The following MAML3 variants were observed in gnomAD, a reference collection of about 807,000 sequenced individuals.
MAML3 encodes the protein mastermind like transcriptional coactivator 3.
Under a neutral mutation model 101.9 loss-of-function variants are expected in MAML3, and 27 were observed. That is an observed-to-expected ratio of 0.27 (90% CI 0.20 to 0.37). The LOEUF is 0.37. Among genes scored for constraint, MAML3 ranks in the 10% least tolerant of loss-of-function variants. MAML3 has a pLI of 1.00. For missense variants in MAML3, 1,316 were observed against 1,444.9 expected (o/e 0.91, Z 1.45); for synonymous variants, 501 against 555.9 (o/e 0.90, Z 1.39).
At chr4:139,914,389 G>GTTA (rs1489202120) in intron 1 of MAML3, among the ~76,000 whole-genome samples, 1 of 152,028 alleles carries the variant, frequency 6.6e-6, no homozygotes, top group Non-Finnish European at 1.5e-5. Context: ...GAGGGAGACA[G>GTTA]TTATTATTAT....
chr4:139,778,343 T>C (rs1013690468), intron 2 of MAML3, among the ~76,000 whole-genome samples: 3 of 152,240 alleles, frequency 2.0e-5, no homozygotes, highest in East Asian at 1.9e-4. Context: ...GCCTCCTCCA[T>C]TGAGGTCCCA....
intron 1 of MAML3, among the ~76,000 whole-genome samples, chr4:140,072,733 T>C (rs1727682574): frequency 6.6e-6 from 1 of 151,808 alleles, no homozygotes; most frequent in Non-Finnish European, 1.5e-5. Context: ...ACAACACCAT[T>C]GTATATCAGG....
intron 1 of MAML3, among the ~76,000 whole-genome samples, chr4:140,001,045 A>AT (rs1257330926): frequency 6.6e-6 from 1 of 152,188 alleles, no homozygotes; most frequent in African/African-American, 2.4e-5. Flanking sequence ...AAGAAAAAAA[A>AT]GAAAAGAAAA....
chr4:139,878,845 A>G (rs939141626), intron 2 of MAML3, among the ~76,000 whole-genome samples: 6 of 152,228 alleles, frequency 3.9e-5, no homozygotes, highest in African/African-American at 1.4e-4. Flanking sequence ...GAGGCCCTAC[A>G]TAAGCCTTGT....
chr4:139,864,972 T>C (rs185298119), intron 2 of MAML3, among the ~76,000 whole-genome samples: 17 of 146,448 alleles, frequency 1.2e-4, no homozygotes, highest in Admixed American at 9.6e-4. Flanking sequence ...GCTTTACTTG[T>C]TATGTTCTTC....
intron 2 of MAML3, among the ~76,000 whole-genome samples, chr4:139,780,037 C>A (rs1730170001): frequency 6.6e-6 from 1 of 152,244 alleles, no homozygotes; most frequent in Non-Finnish European, 1.5e-5. Flanking sequence ...ACTTCCAGTT[C>A]CTTATGAAGA....
At chr4:140,016,667 C>A (rs1726646523) in intron 1 of MAML3, among the ~76,000 whole-genome samples, 1 of 152,074 alleles carries the variant, frequency 6.6e-6, no homozygotes, top group South Asian at 2.1e-4. Context: ...TTGACAGTTG[C>A]AAAAGCAATT....
intron 1 of MAML3, among the ~76,000 whole-genome samples, chr4:139,981,745 A>G (rs1734448548): frequency 6.6e-6 from 1 of 152,012 alleles, no homozygotes. Context: ...ACCAGTTTGG[A>G]GAGGATGGGC....
At chr4:140,026,006 C>T (rs1180183537) in intron 1 of MAML3, among the ~76,000 whole-genome samples, 1 of 152,162 alleles carries the variant, frequency 6.6e-6, no homozygotes, top group African/African-American at 2.4e-5. Context: ...GTCTTTTACT[C>T]ATTGGGTTAT....
chr4:139,894,557 A>AAGAG (rs895313065), intron 1 of MAML3, among the ~76,000 whole-genome samples: 13 of 148,608 alleles, frequency 8.7e-5, no homozygotes, highest in African/African-American at 3.3e-4. Flanking sequence ...GAAAGAAAGA[A>AAGAG]AGAAAGAAAA....
intron 1 of MAML3, among the ~76,000 whole-genome samples, chr4:140,139,370 G>A (rs1398942036): frequency 6.6e-6 from 1 of 151,950 alleles, no homozygotes; most frequent in Admixed American, 6.6e-5. Context: ...GAAACGGTCT[G>A]AAACACTCAC....
intron 1 of MAML3, among the ~76,000 whole-genome samples, chr4:139,991,782 G>A (rs974135412): frequency 1.3e-5 from 2 of 152,042 alleles, no homozygotes; most frequent in Non-Finnish European, 2.9e-5. Flanking sequence ...GGAGGTCAAG[G>A]CTGGAGTGAG....
intron 2 of MAML3, among the ~76,000 whole-genome samples, chr4:139,818,962 G>A (rs945739692): frequency 3.9e-5 from 6 of 152,090 alleles, no homozygotes; most frequent in African/African-American, 9.7e-5. Flanking sequence ...GACTAAATGC[G>A]GCAAACACTT....
chr4:139,989,850 A>AACAAACACACAC (rs549467457), intron 1 of MAML3, among the ~76,000 whole-genome samples: 7 of 122,870 alleles, frequency 5.7e-5, no homozygotes, highest in Non-Finnish European at 1.2e-4. Flanking sequence ...CACACAAACA[A>AACAAACACACAC]ACACACACAC....
chr4:139,952,129 C>T (rs539000121), intron 1 of MAML3, among the ~76,000 whole-genome samples: 1 of 152,156 alleles, frequency 6.6e-6, no homozygotes, highest in Non-Finnish European at 1.5e-5. Context: ...CGTGCCATTG[C>T]ACTCCAGCCT....
At chr4:139,844,271 AGT>A (rs1328579711) in intron 2 of MAML3, among the ~76,000 whole-genome samples, 1 of 152,250 alleles carries the variant, frequency 6.6e-6, no homozygotes, top group East Asian at 1.9e-4. Context: ...AATAATGAGT[AGT>A]TGCCTAAAGA....
chr4:139,779,241 T>TG lies in MAML3; in HGVS notation c.2080-48575dup, dbSNP rs199822269. Among the ~76,000 whole-genome samples the TG allele has an allele frequency of 8.4e-3, 1,273 of 152,092 alleles. 5 individuals are homozygous for TG. The highest frequency in any genetic ancestry group is 0.014 in the Non-Finnish European group (940 of 67,972). The stretch of plus-strand genomic sequence containing the variant: ...CCCTAAAGAGCTGAGGAATAGTCTT[T>TG]GGGGGGGCTCTATAAATGCTAATGA... On this transcript the variant is annotated intron_variant, in intron 2 of 4. Coordinates refer to ENST00000509479, the MANE Select transcript of MAML3 (RefSeq NM_018717.5).
intron 1 of MAML3, among the ~76,000 whole-genome samples, chr4:140,104,370 A>ATATAAT (rs1553976024): frequency 8.9e-5 from 2 of 22,560 alleles, no homozygotes; most frequent in African/African-American, 3.5e-4. Flanking sequence ...TTTTATATAT[A>ATATAAT]TATATAATAT....
At chr4:140,128,735 A>G (rs947182558) in intron 1 of MAML3, among the ~76,000 whole-genome samples, 1 of 152,206 alleles carries the variant, frequency 6.6e-6, no homozygotes, top group Non-Finnish European at 1.5e-5. Flanking sequence ...AGTAGACAGT[A>G]TATCTTCACA....
Sources: allele counts gnomAD v4.1 joint callset (sites outside exome capture counted in the v4.1 genomes callset), GRCh38; gene constraint gnomAD v4.1.1; transcripts MANE v1.5; gene names NCBI Gene and HGNC (gene_info 2026-07-23, HGNC 2026-07-21).